Variants in PLA2G6 observed in about 807,000 individuals in gnomAD.
PLA2G6 encodes phospholipase A2 group VI, also known as 85/88 kDa calcium-independent phospholipase A2.
Under a neutral mutation model 83.8 loss-of-function variants are expected in PLA2G6, and 62 were observed. The observed-to-expected ratio is 0.74, with a 90% confidence interval of 0.60 to 0.91. The LOEUF is 0.91. Ranked by LOEUF, PLA2G6 falls within the 40% of genes least tolerant of loss-of-function variation. The pLI is 0.00. For synonymous variants in PLA2G6, 417 were observed against 449.8 expected, an observed-to-expected ratio of 0.93 and a Z score of 0.92; for missense variants, 944 against 1,102.0, an observed-to-expected ratio of 0.86 and a Z score of 2.03.
chr22:38,114,452 T>C (rs75265353), intron 14 of PLA2G6, among the ~76,000 whole-genome samples: 10,248 of 152,290 alleles, frequency 0.067, 467 homozygotes, highest in East Asian at 0.23. Context: ...CCCAAAGTGC[T>C]GGGATTACAG....
At chr22:38,119,752 G>C (rs1487835377) in intron 12 of PLA2G6, among the ~76,000 whole-genome samples, 1 of 152,088 alleles carries the variant, frequency 6.6e-6, no homozygotes, top group East Asian at 1.9e-4. Context: ...GGTCGAGGCT[G>C]CAGTAAGCCG....
chr22:38,140,219 G>A (rs754874136), intron 4 of PLA2G6, 50 bp from the exon 5 acceptor site: 62 of 1,570,910 alleles, frequency 3.9e-5, no homozygotes, highest in East Asian at 6.7e-5. Context: ...TGATAAGAAC[G>A]TAAAGAGGCC....
At chr22:38,164,016 G>A (rs1164075601) in intron 2 of PLA2G6, among the ~76,000 whole-genome samples, 1 of 152,160 alleles carries the variant, frequency 6.6e-6, no homozygotes, top group Admixed American at 6.5e-5. Context: ...TGCCTGGGAG[G>A]TACAGCCCTG....
At chr22:38,116,851 C>CAAAAAAAAAAAAAAAAAAA (rs57712042) in intron 12 of PLA2G6, among the ~76,000 whole-genome samples, 8 of 37,656 alleles carry the variant, frequency 2.1e-4, no homozygotes, top group Admixed American at 4.3e-4. Flanking sequence ...AACTCCGTCT[C>CAAAAAAAAAAAAAAAAAAA]AAAAAAAAAA....
intron 9 of PLA2G6, chr22:38,127,607 TC>T: frequency 2.1e-6 from 1 of 475,426 alleles, no homozygotes; most frequent in Non-Finnish European, 4.0e-6. Flanking sequence ...TGCTGCCGCC[TC>T]CACAGTGAAG....
At position 38,128,239 on chromosome 22, in the gene PLA2G6, G is replaced by C. The variant is rs1478740626; in HGVS notation, c.1348+30C>G. 6.2e-7 allele frequency: 1 copy of C among 1,609,970 alleles called. No individual in the cohort carries two copies. Among genetic ancestry groups the C allele is most frequent in the Non-Finnish European group, 8.5e-7 (1 of 1,178,116 alleles). On this transcript the variant is annotated intron_variant, in intron 9 of 16. Transcript: ENST00000332509. This position sits in a 1 kb window ranked among gnomAD's most constrained non-coding sequence, Gnocchi z 4.4. ...GATCCAGGGGCCTGGGAACCAGCTG[G>C]AGAAGAGGGAGTCGGGAGGCGAGGC... is the stretch of plus-strand genomic sequence containing the variant.
At chr22:38,133,898 A>T (rs1427367092) in intron 6 of PLA2G6, 1 of 152,626 alleles carries the variant, frequency 6.6e-6, no homozygotes. Flanking sequence ...CTTGATGGTT[A>T]ATAATGAGTG....
chr22:38,143,151 G>C lies in PLA2G6; in HGVS notation c.563C>G (p.Thr188Ser). 1 of 1,614,182 alleles carries C rather than the reference G, an allele frequency of 6.2e-7. No homozygotes were observed. The highest frequency in any genetic ancestry group is 8.5e-7 in the Non-Finnish European group (1 of 1,180,018). ...QMDVTDYKGETVFHYAVQGDN... is the reference protein window; with the variant it reads ...QMDVTDYKGESVFHYAVQGDN... ...ACCCTGGACAGCATAATGGAAGACG[G>C]TCTCTCCCTTGTAGTCGGTGACATC... The change falls in exon 4 of 17, where the codon ACC (threonine) becomes AGC (serine). Residue 188 changes from threonine to serine, a missense_variant. Physicochemically the swap from Thr to Ser is moderately conservative, Grantham distance 58 (BLOSUM62 1). Transcript: ENST00000332509.
At chr22:38,173,512 T>C (rs771609820) in intron 1 of PLA2G6, among the ~76,000 whole-genome samples, 3 of 152,070 alleles carry the variant, frequency 2.0e-5, no homozygotes, top group Non-Finnish European at 4.4e-5. Context: ...GGTACCAATT[T>C]TGGTGCCCCT....
At chr22:38,115,203 A>G (rs1177607905) in intron 14 of PLA2G6, among the ~76,000 whole-genome samples, 2 of 152,156 alleles carry the variant, frequency 1.3e-5, no homozygotes, top group Non-Finnish European at 2.9e-5. Context: ...GGGACTGTCT[A>G]TCCACAGAGG....
intron 2 of PLA2G6, among the ~76,000 whole-genome samples, chr22:38,155,044 G>A (rs1208434112): frequency 6.6e-6 from 1 of 152,102 alleles, no homozygotes; most frequent in Non-Finnish European, 1.5e-5. Context: ...TGGCTAACAT[G>A]GTGAAATCCC....
rs1164949671 is a variant in PLA2G6 at position 38,120,756 on chromosome 22, T to A, written c.1742+3A>T. The A allele has an allele frequency of 6.2e-7, 1 of 1,613,568 alleles. No individual in the cohort carries two copies. Among genetic ancestry groups the A allele is most frequent in the South Asian group, 1.1e-5 (1 of 91,084 alleles). ...GCCACGGCCCCAGTGCGCCAGGGCT[T>A]ACTTGGGTTTCCTGACGTCCGTCAT... is the stretch of plus-strand genomic sequence containing the variant. On this transcript the variant is annotated splice_donor_region_variant and intron_variant, in intron 12 of 16. Coordinates refer to ENST00000332509, the MANE Select transcript of PLA2G6 (RefSeq NM_003560.4).
intron 7 of PLA2G6, 23 bp from the exon 8 acceptor site, chr22:38,129,585 A>G (rs769061741): frequency 4.5e-6 from 7 of 1,569,392 alleles, no homozygotes; most frequent in Non-Finnish European, 5.3e-6. Context: ...GAGAGAGGAT[A>G]AGACGTGCAA....
chr22:38,168,474 C>A (rs1345389388), intron 2 of PLA2G6, among the ~76,000 whole-genome samples: 1 of 152,250 alleles, frequency 6.6e-6, no homozygotes, highest in Non-Finnish European at 1.5e-5. Context: ...GGAGTCCCAG[C>A]ATGCCCCAAG....
chr22:38,113,474 G>C lies in PLA2G6; in HGVS notation c.2202+13C>G, dbSNP rs749243834. 1.2e-6 allele frequency: 2 copies of C among 1,613,514 alleles called. No individual in the cohort carries two copies. The highest frequency in any genetic ancestry group is 1.7e-6 in the Non-Finnish European group (2 of 1,179,618). On this transcript the variant is annotated intron_variant, in intron 15 of 16. Transcript: ENST00000332509. ...CCTGAGGGAAGTGGCCTGGGGGAGGGGCCCACACTCACACAGTCCACCACC... is the reference window on the plus strand; with the variant it reads ...CCTGAGGGAAGTGGCCTGGGGGAGGCGCCCACACTCACACAGTCCACCACC...
At chr22:38,131,948 C>G (rs960894670) in intron 7 of PLA2G6, 2 of 339,728 alleles carry the variant, frequency 5.9e-6, no homozygotes, top group Non-Finnish European at 1.2e-5. Context: ...AACCCCGTCT[C>G]TACTAAAAAT....
intron 2 of PLA2G6, among the ~76,000 whole-genome samples, chr22:38,151,033 T>C (rs1319682574): frequency 6.6e-6 from 1 of 152,176 alleles, no homozygotes; most frequent in East Asian, 1.9e-4. Flanking sequence ...ATCGTGCCAC[T>C]GTACTCTAGC....
At chr22:38,138,859 AG>A (rs2088710859) in intron 5 of PLA2G6, 1 of 152,054 alleles carries the variant, frequency 6.6e-6, no homozygotes, top group Non-Finnish European at 1.5e-5. Context: ...TAGTAGAGAC[AG>A]GGTTTCACCA....
chr22:38,114,952 C>T (rs1049153830), intron 14 of PLA2G6, among the ~76,000 whole-genome samples: 1 of 152,214 alleles, frequency 6.6e-6, no homozygotes, highest in African/African-American at 2.4e-5. Flanking sequence ...GGTCACCCAC[C>T]GCCCGCCACG....
Sources: gnomAD v4.1 joint callset for allele counts (sites outside exome capture counted in the v4.1 genomes callset) on GRCh38, gnomAD v4.1.1 for gene constraint, Gnocchi (gnomAD v3.1) non-coding constraint, MANE v1.5 for transcripts, NCBI Gene and HGNC (gene_info 2026-07-23, HGNC 2026-07-21) for gene names.